Variants in GPSM1 observed in about 807,000 individuals in gnomAD.
The protein encoded by GPSM1 is G protein-signaling modulator 1.
Under a neutral mutation model 70.5 loss-of-function variants are expected in GPSM1, and 48 were observed. The observed-to-expected ratio is 0.68, with a 90% CI of 0.54 to 0.87. The LOEUF is 0.87. Among genes scored for constraint, GPSM1 ranks in the 40% least tolerant of loss-of-function variants. GPSM1 has a pLI of 0.00. For missense variants in GPSM1, 981 were observed against 972.6 expected (o/e 1.01, Z -0.11); for synonymous variants, 416 against 430.1 (o/e 0.97, Z 0.41).
intron 1 of GPSM1, among the ~76,000 whole-genome samples, chr9:136,333,189 C>T (rs1306048759): frequency 4.6e-5 from 7 of 152,202 alleles, no homozygotes; most frequent in Non-Finnish European, 8.8e-5. Context: ...CCCCAAGCTG[C>T]GCCCTTGCTG....
intron 5 of GPSM1, 69 bp from the exon 6 acceptor site, chr9:136,337,777 G>A: frequency 8.0e-7 from 1 of 1,252,894 alleles, no homozygotes; most frequent in Non-Finnish European, 1.2e-6. Flanking sequence ...CAGGGAGGCA[G>A]CCCCTGTCCG....
intron 1 of GPSM1, among the ~76,000 whole-genome samples, chr9:136,328,918 C>T (rs150066540): frequency 2.0e-3 from 300 of 152,252 alleles, no homozygotes; most frequent in African/African-American, 6.8e-3. Flanking sequence ...TGCTCCAGGG[C>T]GGCCGTGCTG....
Position 136,358,566 on chromosome 9 carries a change from T to A in GPSM1, c.*346T>A, listed in dbSNP as rs1260994990. 1 of 426,030 alleles carries A rather than the reference T, an allele frequency of 2.3e-6. No individual in the cohort carries two copies. Among genetic ancestry groups the A allele is most frequent in the Non-Finnish European group, 4.2e-6 (1 of 238,472 alleles). The allele number at this position is 426,030 out of a possible 1,614,324, so 26.4% of individuals were successfully genotyped here. On this transcript the variant is annotated 3_prime_UTR_variant, in exon 14 of 14. Transcript: ENST00000440944. ...TGCCCTGCCAAATGTGAAACCCTGCTGTCTCCCCCACCCTCCCCAAAGGTG... is the reference window on the plus strand; with the variant it reads ...TGCCCTGCCAAATGTGAAACCCTGCAGTCTCCCCCACCCTCCCCAAAGGTG...
intron 1 of GPSM1, 43 bp downstream of exon 1, chr9:136,327,806 GGACC>G: frequency 1.2e-6 from 1 of 825,898 alleles, no homozygotes; most frequent in Non-Finnish European, 1.6e-6. Flanking sequence ...GGCTGGGACC[GGACC>G]GGGCCGGGTC....
chr9:136,351,067 C>A (rs576768867), intron 11 of GPSM1, among the ~76,000 whole-genome samples: 1 of 152,278 alleles, frequency 6.6e-6, no homozygotes, highest in African/African-American at 2.4e-5. Flanking sequence ...GGGTCCAAAC[C>A]ACTAGAAATA....
At position 136,343,675 on chromosome 9, in the gene GPSM1, T is replaced by G. The variant is rs1377474642; in HGVS notation, c.1207+2682T>G. Among the ~76,000 whole-genome samples the G allele has an allele frequency of 6.6e-6, 1 of 152,210 alleles. No homozygotes were observed. Among genetic ancestry groups the G allele is most frequent in the Non-Finnish European group, 1.5e-5 (1 of 68,028 alleles). ...TCAAGTGACTTGACCCACTTGTGCC[T>G]CAGTGTCCCCATCTGGGGAACGGGC... On this transcript the variant is annotated intron_variant, in intron 9 of 13. Coordinates refer to ENST00000440944, the MANE Select transcript of GPSM1 (RefSeq NM_001145638.3). This position sits in a 1 kb window ranked among gnomAD's most constrained non-coding sequence, Gnocchi z 6.0.
chr9:136,332,994 G>A (rs2131393221), intron 1 of GPSM1, among the ~76,000 whole-genome samples: 1 of 152,274 alleles, frequency 6.6e-6, no homozygotes. Flanking sequence ...GGGCAACAGA[G>A]CAAGACCGTG....
chr9:136,336,169 G>A lies in GPSM1; in HGVS notation c.426+68G>A. 3 of 1,540,362 alleles carry A rather than the reference G, an allele frequency of 1.9e-6. No individual in the cohort carries two copies. The South Asian group carries it at 3.5e-5, about 18-fold the overall frequency. On this transcript the variant is annotated intron_variant, in intron 3 of 13. Coordinates refer to ENST00000440944, the MANE Select transcript of GPSM1 (RefSeq NM_001145638.3). The stretch of plus-strand genomic sequence containing the variant: ...CGGCCTGCGTCCAGATCCGGGATAG[G>A]GGCGGGCGGGTGACTCACCACTCAT...
In GPSM1 at chr9:136,341,949, C is replaced by G. The variant is rs74312704; in HGVS notation, c.1207+956C>G. Reference sequence around the variant, plus strand: ...TATAGGCGTGAGCCACCGTGCCCAGCCATCCCCTGGGTTTTTGTGCCACAG... The same window carrying G: ...TATAGGCGTGAGCCACCGTGCCCAGGCATCCCCTGGGTTTTTGTGCCACAG... On this transcript the variant is annotated intron_variant, in intron 9 of 13. Coordinates refer to ENST00000440944, the MANE Select transcript of GPSM1 (RefSeq NM_001145638.3). The surrounding 1 kb of genome is among the most constrained non-coding windows in gnomAD (Gnocchi z 6.7). The G allele has an allele frequency of 0.053, 12,587 of 236,426 alleles. 1,286 individuals carry two copies. In the East Asian group the frequency reaches 0.6, roughly 11 times the overall value. 14.6% of individuals were successfully genotyped at this position (236,426 alleles called of 1,614,324 possible). A position where few individuals can be genotyped will look rare whatever the true frequency, so the allele number is the denominator to read the frequency against.
rs113795708 is a variant in GPSM1, at chr9:136,341,102, G to A, written c.1207+109G>A. On this transcript the variant is annotated intron_variant, in intron 9 of 13. Coordinates refer to ENST00000440944, the MANE Select transcript of GPSM1 (RefSeq NM_001145638.3). The surrounding 1 kb of genome is among the most constrained non-coding windows in gnomAD (Gnocchi z 6.7). ...GGCCAGCATGGCGGAGGTGGCAGCC[G>A]CCAGAAAATGGCGCCTACAAGCCAG... The A allele has an allele frequency of 2.1e-3, 3,263 of 1,550,046 alleles. 43 individuals are homozygous for A. In the African/African-American group the frequency reaches 0.035, roughly 17 times the overall value.
At chr9:136,349,480 G>A (rs1588703583) in intron 10 of GPSM1, 107 bp from the exon 11 acceptor site, 10 of 984,654 alleles carry the variant, frequency 1.0e-5, no homozygotes, top group South Asian at 1.0e-4. Context: ...GGGCACCTAC[G>A]GCGTGCATCC....
In GPSM1 at chr9:136,342,414, G is replaced by A. The variant is rs111734967; in HGVS notation, c.1207+1421G>A. 0.017 allele frequency among the ~76,000 whole-genome samples: 2,537 copies of A among 152,318 alleles called. 70 individuals carry two copies. The highest frequency in any genetic ancestry group is 0.056 in the African/African-American group (2,344 of 41,566). On this transcript the variant is annotated intron_variant, in intron 9 of 13. Transcript: ENST00000440944. The surrounding 1 kb of genome is among the most constrained non-coding windows in gnomAD (Gnocchi z 5.5). ...CGGAGTGGGAGGACGCTGGAACAAT[G>A]CAGCTTCTGTCCCTCTCTGGCTCCT...
rs1393593776 is a variant in GPSM1, at chr9:136,349,577, C to A, written c.1279-10C>A. On this transcript the variant is annotated splice_polypyrimidine_tract_variant and intron_variant, in intron 10 of 13. Transcript: ENST00000440944. ...TTGCCCAGGCCACGCACAGCCTTAC[C>A]CCTCCCCAGGAGCAGAATGGAGACA... 10 of 1,549,194 alleles carry A rather than the reference C, an allele frequency of 6.5e-6. No individual in the cohort carries two copies. In the African/African-American group the frequency reaches 9.6e-5, roughly 15 times the overall value.
chr9:136,347,815 T>C (rs761689967), intron 9 of GPSM1, among the ~76,000 whole-genome samples: 13 of 152,310 alleles, frequency 8.5e-5, no homozygotes, highest in Non-Finnish European at 1.6e-4. Flanking sequence ...AGGGAGCGGC[T>C]GGGCTGAGGT....
intron 11 of GPSM1, among the ~76,000 whole-genome samples, chr9:136,352,794 G>A (rs113051455): frequency 7.2e-5 from 11 of 152,230 alleles, no homozygotes; most frequent in Non-Finnish European, 1.2e-4. Flanking sequence ...AGGGCTCTTC[G>A]GCAGGCTGTC....
rs918503738 is a variant in GPSM1 at position 136,343,354 on chromosome 9, G to A, written c.1207+2361G>A. On this transcript the variant is annotated intron_variant, in intron 9 of 13. Transcript: ENST00000440944. The surrounding 1 kb of genome is among the most constrained non-coding windows in gnomAD (Gnocchi z 6.0). ...ATTGGCATGTTGGGAGGAGGGAGCC[G>A]GCCCTGAGCCCTGCAGGACCGCCCC... Among the ~76,000 whole-genome samples the A allele has an allele frequency of 2.6e-5, 4 of 152,102 alleles. No individual in the cohort carries two copies. The highest frequency in any genetic ancestry group is 4.8e-5 in the African/African-American group (2 of 41,426).
intron 11 of GPSM1, among the ~76,000 whole-genome samples, chr9:136,351,826 C>T (rs1832670108): frequency 6.6e-6 from 1 of 152,246 alleles, no homozygotes; most frequent in Admixed American, 6.5e-5. Flanking sequence ...TTTCTGCTGA[C>T]CTGAACCCCA....
chr9:136,336,872 G>C (rs782522346), intron 3 of GPSM1, 49 bp from the exon 4 acceptor site: 1 of 1,521,286 alleles, frequency 6.6e-7, no homozygotes, highest in Non-Finnish European at 8.9e-7. Context: ...TCTGCACATC[G>C]TGTGGGGGGC....
intron 9 of GPSM1, among the ~76,000 whole-genome samples, chr9:136,345,816 G>C (rs1832510075): frequency 6.6e-6 from 1 of 152,186 alleles, no homozygotes; most frequent in Non-Finnish European, 1.5e-5. Context: ...ACTGTGTGGG[G>C]TCAGCAGCTG....
Sources: allele counts gnomAD v4.1 joint callset (sites outside exome capture counted in the v4.1 genomes callset), GRCh38; gene constraint gnomAD v4.1.1; non-coding constraint Gnocchi (gnomAD v3.1); transcripts MANE v1.5; gene names NCBI Gene and HGNC (gene_info 2026-07-23, HGNC 2026-07-21).